The following SLC39A9 variants were observed in gnomAD, a reference collection of about 807,000 sequenced individuals.
SLC39A9 encodes solute carrier family 39 member 9.
A neutral mutation model predicts 28.4 loss-of-function variants in SLC39A9; 14 were observed. That is an observed-to-expected ratio of 0.49 (90% CI 0.33 to 0.77). The LOEUF is 0.77. SLC39A9 is among the 30% of genes least tolerant of loss of function. The pLI is 0.02. For synonymous variants in SLC39A9, 119 were observed against 149.6 expected, an observed-to-expected ratio of 0.80 and a Z score of 1.49; for missense variants, 283 against 381.1, an observed-to-expected ratio of 0.74 and a Z score of 2.14.
At chr14:69,446,511 T>A (rs919376326) in intron 3 of SLC39A9, among the ~76,000 whole-genome samples, 1 of 151,858 alleles carries the variant, frequency 6.6e-6, no homozygotes, top group Non-Finnish European at 1.5e-5. Context: ...GGGTTCCCAC[T>A]GGCCACATGT....
At chr14:69,430,649 G>C (rs1298418040) in intron 2 of SLC39A9, among the ~76,000 whole-genome samples, 1 of 131,614 alleles carries the variant, frequency 7.6e-6, no homozygotes. Context: ...TTTTTCTTGA[G>C]ACAAGGTCTC....
chr14:69,413,933 A>G (rs961179943), intron 1 of SLC39A9, among the ~76,000 whole-genome samples: 1 of 152,050 alleles, frequency 6.6e-6, no homozygotes, highest in African/African-American at 2.4e-5. Flanking sequence ...TTTAATTTGA[A>G]TTGATAACTT....
rs1886090635 is a variant in SLC39A9, at chr14:69,461,046, T to A, written c.*2453T>A. 1 of 985,528 alleles carries A rather than the reference T, an allele frequency of 1.0e-6. No individual in the cohort carries two copies. The highest frequency in any genetic ancestry group is 1.7e-5 in the African/African-American group (1 of 57,232). The allele number at this position is 985,528 out of a possible 1,614,324, so 61.0% of individuals were successfully genotyped here. A position where few individuals can be genotyped will look rare whatever the true frequency, so the allele number is the denominator to read the frequency against. On this transcript the variant is annotated 3_prime_UTR_variant, in exon 7 of 7. Transcript: ENST00000336643. ...CATTTCAGTTCCGTTTTCCTCTTGTTTAAAACTGCCTCTTTAGATGTGGAT... is the reference window on the plus strand; with the variant it reads ...CATTTCAGTTCCGTTTTCCTCTTGTATAAAACTGCCTCTTTAGATGTGGAT...
rs917228089 is a variant in SLC39A9 at position 69,412,819 on chromosome 14, T to C, written c.97-11275T>C. Among the ~76,000 whole-genome samples, 3 of 152,252 alleles carry C rather than the reference T, an allele frequency of 2.0e-5. No homozygotes were observed. The South Asian group carries it at 6.2e-4, about 31-fold the overall frequency. On this transcript the variant is annotated intron_variant, in intron 1 of 6. Transcript: ENST00000336643. ...TGTTGAGTGGATATTTAACTTCATTTGGTAAATAAATGCACTTAATTTCAA... is the reference window on the plus strand; with the variant it reads ...TGTTGAGTGGATATTTAACTTCATTCGGTAAATAAATGCACTTAATTTCAA...
chr14:69,435,640 T>G (rs1257904596), intron 2 of SLC39A9, among the ~76,000 whole-genome samples: 1 of 152,198 alleles, frequency 6.6e-6, no homozygotes, highest in Non-Finnish European at 1.5e-5. Context: ...GTAGCCAGAT[T>G]CCCTGATTCT....
rs1281051453 is a variant in SLC39A9 at position 69,458,721 on chromosome 14, A to G, written c.*128A>G. On this transcript the variant is annotated 3_prime_UTR_variant, in exon 7 of 7. Coordinates refer to ENST00000336643, the MANE Select transcript of SLC39A9 (RefSeq NM_018375.5). Reference sequence around the variant, plus strand: ...ATCTCTACATGTATTCCTAGAGTCCAGAGGGGAGGTGAGGTTAAAACCTGA... The same window carrying G: ...ATCTCTACATGTATTCCTAGAGTCCGGAGGGGAGGTGAGGTTAAAACCTGA... 2.8e-6 allele frequency: 4 copies of G among 1,420,060 alleles called. No homozygotes were observed. Among genetic ancestry groups the G allele is most frequent in the Non-Finnish European group, 3.7e-6 (4 of 1,088,966 alleles). 88.0% of individuals were successfully genotyped at this position (1,420,060 alleles called of 1,614,324 possible).
intron 2 of SLC39A9, among the ~76,000 whole-genome samples, chr14:69,425,673 ATTTG>A (rs1884151003): frequency 2.0e-5 from 3 of 146,880 alleles, no homozygotes; most frequent in Non-Finnish European, 4.5e-5. Context: ...TTTTTTTTTT[ATTTG>A]TTTGTTTTGA....
At chr14:69,410,724 T>C (rs74731028) in intron 1 of SLC39A9, among the ~76,000 whole-genome samples, 1,761 of 152,348 alleles carry the variant, frequency 0.012, 34 homozygotes, top group African/African-American at 0.039. Context: ...GGGAAAACTT[T>C]GTTGCCTGAA....
chr14:69,410,162 TAATC>T (rs1883188485), intron 1 of SLC39A9, among the ~76,000 whole-genome samples: 1 of 152,266 alleles, frequency 6.6e-6, no homozygotes, highest in Non-Finnish European at 1.5e-5. Flanking sequence ...AAAAATAAAT[TAATC>T]TTATTTTCCA....
At chr14:69,415,803 A>G (rs1427513555) in intron 1 of SLC39A9, among the ~76,000 whole-genome samples, 1 of 152,216 alleles carries the variant, frequency 6.6e-6, no homozygotes, top group Non-Finnish European at 1.5e-5. Flanking sequence ...GCTAAAAAAA[A>G]CTATTTTCCC....
chr14:69,454,858 T>A lies in SLC39A9; in HGVS notation c.519T>A (p.Ser173Arg). Residue 173 changes from serine (S) to arginine (R), a missense_variant, in exon 5 of 7, where the codon AGT becomes AGA. Physicochemically the swap from Ser to Arg is moderately radical, Grantham distance 110 (BLOSUM62 -1). Transcript: ENST00000336643. ...LGAAASTSQT[S>R]VQLIVFVAIM... ...CAGCAGCATCTACTTCACAGACCAGTGTCCAGTTAATTGTGTTTGTGGCAA... is the reference window on the plus strand; with the variant it reads ...CAGCAGCATCTACTTCACAGACCAGAGTCCAGTTAATTGTGTTTGTGGCAA... 1 of 1,614,080 alleles carries A rather than the reference T, an allele frequency of 6.2e-7. No individual in the cohort carries two copies. The highest frequency in any genetic ancestry group is 1.3e-5 in the African/African-American group (1 of 75,064).
At chr14:69,406,154 C>T (rs537931259) in intron 1 of SLC39A9, among the ~76,000 whole-genome samples, 9 of 151,510 alleles carry the variant, frequency 5.9e-5, no homozygotes, top group Admixed American at 5.9e-4. Context: ...TTCATACCTT[C>T]CACAGTATAT....
chr14:69,410,721 CTT>C, intron 1 of SLC39A9, among the ~76,000 whole-genome samples: 1 of 152,184 alleles, frequency 6.6e-6, no homozygotes, highest in East Asian at 1.9e-4. Context: ...TGGGGGAAAA[CTT>C]TGTTGCCTGA....
chr14:69,456,665 G>A, intron 6 of SLC39A9, among the ~76,000 whole-genome samples: 1 of 152,322 alleles, frequency 6.6e-6, no homozygotes, highest in East Asian at 1.9e-4. Flanking sequence ...TTACCCAGAT[G>A]TCAACTGGCA....
At chr14:69,435,288 G>A (rs1278932281) in intron 2 of SLC39A9, among the ~76,000 whole-genome samples, 3 of 152,076 alleles carry the variant, frequency 2.0e-5, no homozygotes, top group Admixed American at 6.6e-5. Flanking sequence ...TTTAATCATT[G>A]TGCAATATCC....
chr14:69,408,063 G>C (rs1883042834), intron 1 of SLC39A9, among the ~76,000 whole-genome samples: 1 of 151,842 alleles, frequency 6.6e-6, no homozygotes, highest in Non-Finnish European at 1.5e-5. Flanking sequence ...GCCCAGGCAG[G>C]AGTGCAGTGG....
At chr14:69,427,861 A>G (rs535615002) in intron 2 of SLC39A9, among the ~76,000 whole-genome samples, 1 of 152,386 alleles carries the variant, frequency 6.6e-6, no homozygotes, top group East Asian at 1.9e-4. Flanking sequence ...AAGAAGGTTA[A>G]GACAGCAGTT....
At chr14:69,409,986 C>T (rs538990431) in intron 1 of SLC39A9, among the ~76,000 whole-genome samples, 13 of 152,266 alleles carry the variant, frequency 8.5e-5, no homozygotes, top group African/African-American at 2.6e-4. Flanking sequence ...TTAGTCTGCT[C>T]GGTTCAGTTG....
chr14:69,402,249 A>C (rs372349710), intron 1 of SLC39A9, among the ~76,000 whole-genome samples: 256 of 152,056 alleles, frequency 1.7e-3, no homozygotes, highest in Middle Eastern at 6.8e-3. Flanking sequence ...GCAAAAAAAA[A>C]CTCATAATGT....
Sources: gnomAD v4.1 joint callset for allele counts (sites outside exome capture counted in the v4.1 genomes callset) on GRCh38, gnomAD v4.1.1 for gene constraint, MANE v1.5 for transcripts, NCBI Gene and HGNC (gene_info 2026-07-23, HGNC 2026-07-21) for gene names.